Variants in TRIM5 observed in about 807,000 individuals in gnomAD.
TRIM5 encodes the protein tripartite motif containing 5.
TRIM5 carries 31 observed loss-of-function variants against 35.6 expected under a neutral mutation model. The ratio of observed to expected loss-of-function variants is 0.87; its 90% CI spans 0.65 to 1.18. The LOEUF (loss-of-function observed/expected upper bound fraction) is 1.18, where lower values mean the gene tolerates loss of function less well. Ranked by LOEUF, TRIM5 falls within the 50% of genes most tolerant of loss-of-function variation. The probability of loss-of-function intolerance (pLI) is 0.00; values close to 1 mark genes in which losing one functional copy is unlikely to be tolerated. For missense variants in TRIM5, 609 were observed against 591.6 expected (o/e 1.03, Z -0.31); for synonymous variants, 243 against 215.6 (o/e 1.13, Z -1.11).
chr11:5,673,772 A>C (rs1268426389), intron 4 of TRIM5, among the ~76,000 whole-genome samples: 1 of 152,210 alleles, frequency 6.6e-6, no homozygotes, highest in African/African-American at 2.4e-5. Context: ...AACATTAAAA[A>C]AATTCTTCAA....
the TRIM5 span, among the ~76,000 whole-genome samples, chr11:5,613,566 A>G: frequency 2.6e-5 from 4 of 152,198 alleles, no homozygotes. Flanking sequence ...GCTGACTGGG[A>G]CCTATGGGGC....
At chr11:5,605,719 A>G in the TRIM5 span, 1 of 955,000 alleles carries the variant, frequency 1.0e-6, no homozygotes, top group South Asian at 1.8e-5. Flanking sequence ...AACTGTTTAG[A>G]GGTATGGAGT....
the TRIM5 span, chr11:5,605,244 G>A: frequency 6.4e-7 from 1 of 1,568,270 alleles, no homozygotes; most frequent in Non-Finnish European, 8.7e-7. Context: ...CTTGGCCCAG[G>A]AAAGCAGTCC....
the TRIM5 span, chr11:5,632,697 T>C: frequency 1.3e-5 from 21 of 1,612,292 alleles, no homozygotes; most frequent in Admixed American, 1.3e-4. Context: ...GTGAGCGGTC[T>C]CAGGAGCACC....
the TRIM5 span, among the ~76,000 whole-genome samples, chr11:5,645,453 T>C: frequency 2.0e-5 from 3 of 151,082 alleles, no homozygotes; most frequent in African/African-American, 7.3e-5. Context: ...CAAAAAATTA[T>C]GAAACATTGT....
the TRIM5 span, among the ~76,000 whole-genome samples, chr11:5,618,371 A>AAAAC: frequency 1.5e-4 from 23 of 152,260 alleles, no homozygotes; most frequent in Admixed American, 3.3e-4. Context: ...CTCCATCTCA[A>AAAAC]AAACAAACAA....
chr11:5,676,112 T>G (rs1268164456), intron 4 of TRIM5, among the ~76,000 whole-genome samples: 1 of 148,046 alleles, frequency 6.8e-6, no homozygotes, highest in East Asian at 2.0e-4. Flanking sequence ...TGTTGGACAT[T>G]TGGGTTGGTT....
At chr11:5,596,223 C>G in the TRIM5 span, 2 of 152,356 alleles carry the variant, frequency 1.3e-5, no homozygotes, top group African/African-American at 4.8e-5. Context: ...ACCGCTGTCC[C>G]CACTTGTCTG....
the TRIM5 span, among the ~76,000 whole-genome samples, chr11:5,593,839 G>A: frequency 6.6e-6 from 1 of 152,176 alleles, no homozygotes; most frequent in African/African-American, 2.4e-5. Flanking sequence ...CAGCAAATCT[G>A]TGCCCTCTTT....
chr11:5,638,133 A>C, the TRIM5 span, among the ~76,000 whole-genome samples: 12 of 152,196 alleles, frequency 7.9e-5, no homozygotes, highest in African/African-American at 2.9e-4. Context: ...TGGACATCTG[A>C]CCCAATCCTG....
At chr11:5,643,772 G>A in the TRIM5 span, 5 of 1,518,202 alleles carry the variant, frequency 3.3e-6, no homozygotes, top group Non-Finnish European at 4.4e-6. Context: ...TGACTCATCT[G>A]CAACATTCAC....
At chr11:5,613,993 G>T in the TRIM5 span, among the ~76,000 whole-genome samples, 1 of 152,128 alleles carries the variant, frequency 6.6e-6, no homozygotes, top group Non-Finnish European at 1.5e-5. Flanking sequence ...CTAAGTACTT[G>T]CTGGAATTCT....
chr11:5,593,045 T>C, the TRIM5 span, among the ~76,000 whole-genome samples: 29,378 of 151,982 alleles, frequency 0.19, 2,959 homozygotes, highest in Middle Eastern at 0.31. Context: ...GGTCCATGTT[T>C]GATGATCAGA....
chr11:5,619,301 C>T, the TRIM5 span, among the ~76,000 whole-genome samples: 1 of 152,206 alleles, frequency 6.6e-6, no homozygotes, highest in Non-Finnish European at 1.5e-5. Context: ...CATGATCGTA[C>T]AAGAATACGC....
chr11:5,605,056 A>T, the TRIM5 span: 1 of 497,816 alleles, frequency 2.0e-6, no homozygotes, highest in Non-Finnish European at 3.6e-6. Context: ...GCTGATGCAG[A>T]GGTGAGGGAG....
the TRIM5 span, among the ~76,000 whole-genome samples, chr11:5,623,498 G>C: frequency 6.6e-5 from 10 of 150,908 alleles, no homozygotes; most frequent in African/African-American, 2.4e-5. Flanking sequence ...CTCCTGAGTA[G>C]CTGGGATTAC....
the TRIM5 span, among the ~76,000 whole-genome samples, chr11:5,620,427 T>G: frequency 6.6e-6 from 1 of 151,420 alleles, no homozygotes; most frequent in Non-Finnish European, 1.5e-5. Flanking sequence ...GGACTCTAAC[T>G]CCTGAACTCG....
At chr11:5,651,543 T>C in the TRIM5 span, among the ~76,000 whole-genome samples, 5 of 152,224 alleles carry the variant, frequency 3.3e-5, no homozygotes, top group African/African-American at 1.2e-4. Context: ...TAGTCTATCA[T>C]TGATGGCCAT....
intron 5 of TRIM5, chr11:5,666,340 T>A: frequency 3.8e-6 from 2 of 525,786 alleles, no homozygotes; most frequent in Non-Finnish European, 6.9e-6. Context: ...ATGAAATAAT[T>A]AACCTCTCCC....
Sources: gnomAD v4.1 joint callset for allele counts (sites outside exome capture counted in the v4.1 genomes callset) on GRCh38, gnomAD v4.1.1 for gene constraint, MANE v1.5 for transcripts, NCBI Gene and HGNC (gene_info 2026-07-23, HGNC 2026-07-21) for gene names.